Variants in ZSCAN18 observed in about 807,000 individuals in gnomAD.
ZSCAN18 encodes the protein zinc finger and SCAN domain-containing protein 18.
A neutral mutation model predicts 31.1 loss-of-function variants in ZSCAN18; 16 were observed. That is an observed-to-expected ratio of 0.51 (90% CI 0.35 to 0.78). ZSCAN18 has a LOEUF of 0.78. Among genes scored for constraint, ZSCAN18 ranks in the 30% least tolerant of loss-of-function variants. The probability of loss-of-function intolerance (pLI) is 0.01; values close to 1 mark genes in which losing one functional copy is unlikely to be tolerated. For synonymous variants in ZSCAN18, 375 were observed against 320.7 expected, an observed-to-expected ratio of 1.17 and a Z score of -1.81; for missense variants, 731 against 697.4, an observed-to-expected ratio of 1.05 and a Z score of -0.54.
chr19:58,097,854 T>G (rs1274668817), intron 1 of ZSCAN18: 23 of 901,772 alleles, frequency 2.6e-5, no homozygotes, highest in Admixed American at 1.4e-4. Flanking sequence ...CCCTTCCTGT[T>G]CTCCCACCCA....
intron 1 of ZSCAN18, among the ~76,000 whole-genome samples, chr19:58,115,755 G>T (rs1455239084): frequency 6.6e-6 from 1 of 152,132 alleles, no homozygotes; most frequent in East Asian, 1.9e-4. Context: ...AGTATCAGAG[G>T]ATCTCACATT....
Position 58,085,047 on chromosome 19 carries a change from T to C in ZSCAN18, c.1171A>G (p.Ser391Gly), listed in dbSNP as rs1306650130. Residue 391 changes from serine (S) to glycine (G), a missense_variant, in exon 7 of 7, where the codon AGC becomes GGC. By Grantham distance (56) the Ser-to-Gly change is moderately conservative. Transcript: ENST00000601144. ...CCCTGCCCGGCCTCCAGCCCTGCGC[T>C]GTCGCCGGAGCTAGAGACGCCCTCG... ...SLEGVSSSGDSAGLEAGQGPG... is the reference protein window; with the variant it reads ...SLEGVSSSGDGAGLEAGQGPG... The C allele has an allele frequency of 6.3e-7, 1 of 1,596,970 alleles. No homozygotes were observed. The highest frequency in any genetic ancestry group is 1.3e-5 in the African/African-American group (1 of 74,612).
upstream of ZSCAN18, among the ~76,000 whole-genome samples, chr19:58,102,078 T>G (rs536085104): frequency 6.6e-6 from 1 of 152,244 alleles, no homozygotes; most frequent in Non-Finnish European, 1.5e-5. Context: ...ACACGATTAC[T>G]GACCAAAAGG....
At chr19:58,105,894 G>A (rs1016697439) in intron 1 of ZSCAN18, among the ~76,000 whole-genome samples, 2 of 151,974 alleles carry the variant, frequency 1.3e-5, no homozygotes, top group African/African-American at 4.8e-5. Flanking sequence ...CATCAGGATC[G>A]CCTGAACCCA....
chr19:58,090,949 C>T lies in ZSCAN18; in HGVS notation c.-119-563G>A, dbSNP rs2145986319. Among the ~76,000 whole-genome samples, 1 of 152,004 alleles carries T rather than the reference C, an allele frequency of 6.6e-6. No individual in the cohort carries two copies. The highest frequency in any genetic ancestry group is 2.1e-4 in the South Asian group (1 of 4,784). On this transcript the variant is annotated intron_variant, in intron 1 of 6. Transcript: ENST00000601144. This position sits in a 1 kb window ranked among gnomAD's most constrained non-coding sequence, Gnocchi z 4.7. ...AGGATGAAAATGAAAAATTACTTGA[C>T]AATCTCTATGTAAACCTGGATGTAA... is the stretch of plus-strand genomic sequence containing the variant.
chr19:58,098,342 G>A, upstream of ZSCAN18: 1 of 985,516 alleles, frequency 1.0e-6, no homozygotes, highest in Non-Finnish European at 1.2e-6. Context: ...ACAGGTGACA[G>A]TGCGCATGGC....
At chr19:58,095,872 G>A (rs1024688313) in intron 1 of ZSCAN18, among the ~76,000 whole-genome samples, 2 of 152,174 alleles carry the variant, frequency 1.3e-5, no homozygotes, top group Non-Finnish European at 2.9e-5. Context: ...GGAACCAGGG[G>A]TCTCCTAAAA....
At chr19:58,114,587 T>C (rs2146031256) in intron 1 of ZSCAN18, among the ~76,000 whole-genome samples, 1 of 152,216 alleles carries the variant, frequency 6.6e-6, no homozygotes, top group Middle Eastern at 3.4e-3. Flanking sequence ...CATACATATA[T>C]ACATACAAAA....
intron 1 of ZSCAN18, among the ~76,000 whole-genome samples, chr19:58,093,583 T>C (rs1410856074): frequency 2.0e-5 from 3 of 152,084 alleles, no homozygotes; most frequent in Non-Finnish European, 4.4e-5. Context: ...CATGATTTAA[T>C]CTCTGAGGGC....
At position 58,090,651 on chromosome 19, in the gene ZSCAN18, G is replaced by A. The variant is rs570775577; in HGVS notation, c.-119-265C>T. 8 of 329,792 alleles carry A rather than the reference G, an allele frequency of 2.4e-5. No homozygotes were observed. Among genetic ancestry groups the A allele is most frequent in the Admixed American group, 1.3e-4 (3 of 22,396 alleles). The allele number at this position is 329,792 out of a possible 1,614,324, so 20.4% of individuals were successfully genotyped here. ...GTCACCCAAGCTGGAGTGCAGTGGCGCAATCTCGGCTCAATGCAACCTCTA... is the reference window on the plus strand; with the variant it reads ...GTCACCCAAGCTGGAGTGCAGTGGCACAATCTCGGCTCAATGCAACCTCTA... On this transcript the variant is annotated intron_variant, in intron 1 of 6. Coordinates refer to ENST00000601144, the MANE Select transcript of ZSCAN18 (RefSeq NM_001145543.2). The surrounding 1 kb of genome is among the most constrained non-coding windows in gnomAD (Gnocchi z 4.7).
rs1482624675 is a variant in ZSCAN18, at chr19:58,088,812, G to T, written c.429C>A (p.Gly143=). The T allele has an allele frequency of 1.4e-5, 23 of 1,612,658 alleles. No individual in the cohort carries two copies. The highest frequency in any genetic ancestry group is 1.7e-5 in the Admixed American group (1 of 60,016). The part of the protein sequence containing the change: ...EPGMLLGSPA[G]SSSILSDGVY... ...CTCCATCGCTAAGAATTGAGGATGAGCCCGCAGGGGAGCCCAGCAGCATCC... is the reference window on the plus strand; with the variant it reads ...CTCCATCGCTAAGAATTGAGGATGATCCCGCAGGGGAGCCCAGCAGCATCC... The change falls in exon 3 of 7, where the codon GGC becomes GGA. Residue 143 remains glycine (G), a synonymous_variant. Transcript: ENST00000601144.
At chr19:58,098,304 G>T (rs1228926394), upstream of ZSCAN18, 1 of 985,358 alleles carries the variant, frequency 1.0e-6, no homozygotes. Context: ...AGGCTGTGCC[G>T]CGCACCGGGG....
At chr19:58,087,583 G>A (rs1408651137) in intron 3 of ZSCAN18, 179 bp from the exon 4 acceptor site, 1 of 591,154 alleles carries the variant, frequency 1.7e-6, no homozygotes, top group African/African-American at 1.9e-5. Flanking sequence ...GGTGGCCACA[G>A]GGCTTGGGTG....
chr19:58,106,935 T>G (rs574918224), intron 1 of ZSCAN18, among the ~76,000 whole-genome samples: 20 of 151,734 alleles, frequency 1.3e-4, no homozygotes, highest in Middle Eastern at 3.4e-3. Flanking sequence ...TAATTTTTTT[T>G]TGTATTTTTA....
intron 1 of ZSCAN18, among the ~76,000 whole-genome samples, chr19:58,113,997 T>G (rs2554963): frequency 0.15 from 23,372 of 151,080 alleles, 1,773 homozygotes; most frequent in Admixed American, 0.19. Context: ...AGGCTGGGCG[T>G]GGTGGCTCGC....
At chr19:58,100,045 T>C (rs2074580417), upstream of ZSCAN18, among the ~76,000 whole-genome samples, 1 of 150,008 alleles carries the variant, frequency 6.7e-6, no homozygotes, top group Admixed American at 6.7e-5. Flanking sequence ...ACTGCAGCCT[T>C]GACCTTCCAG....
At chr19:58,099,194 AC>A (rs2074571705), upstream of ZSCAN18, among the ~76,000 whole-genome samples, 1 of 152,180 alleles carries the variant, frequency 6.6e-6, no homozygotes, top group East Asian at 1.9e-4. Context: ...ACTCATATCC[AC>A]CAACAAACTC....
intron 1 of ZSCAN18, among the ~76,000 whole-genome samples, chr19:58,117,513 A>G (rs2074740038): frequency 6.6e-6 from 1 of 152,112 alleles, no homozygotes; most frequent in African/African-American, 2.4e-5. Flanking sequence ...CTCTTGGGAT[A>G]AAGGAGAGGA....
intron 1 of ZSCAN18, chr19:58,107,930 C>A: frequency 9.3e-7 from 1 of 1,075,588 alleles, no homozygotes. Context: ...ACTCGTAGGG[C>A]TTCTCACCAG....
Sources: allele counts gnomAD v4.1 joint callset (sites outside exome capture counted in the v4.1 genomes callset), GRCh38; gene constraint gnomAD v4.1.1; non-coding constraint Gnocchi (gnomAD v3.1); transcripts MANE v1.5; gene names NCBI Gene and HGNC (gene_info 2026-07-23, HGNC 2026-07-21).